DNAH3: variants seen among roughly 807,000 people sequenced by gnomAD.
DNAH3 encodes the protein axonemal beta dynein heavy chain 3.
A neutral mutation model predicts 432.5 loss-of-function variants in DNAH3; 332 were observed. The observed-to-expected ratio is 0.77, with a 90% CI of 0.70 to 0.84. The LOEUF is 0.84. Among genes scored for constraint, DNAH3 ranks in the 40% least tolerant of loss-of-function variants. The pLI, the probability that DNAH3 is intolerant of heterozygous loss-of-function variation, is 0.00. For missense variants in DNAH3, 4,861 were observed against 5,114.0 expected, an observed-to-expected ratio of 0.95 and a Z score of 1.51; for synonymous variants, 1,956 against 1,900.2, an observed-to-expected ratio of 1.03 and a Z score of -0.76.
chr16:21,007,509 T>G (rs2087367792), intron 41 of DNAH3, among the ~76,000 whole-genome samples: 1 of 152,192 alleles, frequency 6.6e-6, no homozygotes. Context: ...CCTGTATATC[T>G]TCTGTAAATA....
chr16:21,111,959 A>C (rs1203378001), intron 13 of DNAH3, 34 bp downstream of exon 13: 1 of 1,578,912 alleles, frequency 6.3e-7, no homozygotes, highest in South Asian at 1.1e-5. Flanking sequence ...AGCACATGTC[A>C]CCAAGGTATA....
exon 53 of DNAH3, chr16:20,965,208 C>T: frequency 6.2e-7 from 1 of 1,614,074 alleles, no homozygotes; most frequent in Non-Finnish European, 8.5e-7. Context: ...GATCGTACAC[C>T]TCCATGGCCC....
chr16:21,060,817 C>CCTG (rs1189209313), intron 25 of DNAH3, among the ~76,000 whole-genome samples: 4 of 146,972 alleles, frequency 2.7e-5, no homozygotes, highest in Non-Finnish European at 4.5e-5. Context: ...AACCACTGCG[C>CCTG]CTGGTCTCTT....
At chr16:20,955,716 C>T (rs570152160) in intron 54 of DNAH3, among the ~76,000 whole-genome samples, 1 of 152,134 alleles carries the variant, frequency 6.6e-6, no homozygotes, top group South Asian at 2.1e-4. Flanking sequence ...TGATGCCTGT[C>T]ATATAAGAAA....
intron 48 of DNAH3, among the ~76,000 whole-genome samples, chr16:20,984,014 A>C (rs2086047709): frequency 7.0e-6 from 1 of 142,612 alleles, no homozygotes; most frequent in Non-Finnish European, 1.5e-5. Context: ...GTGACAGAGC[A>C]AGACCCTATA....
intron 44 of DNAH3, among the ~76,000 whole-genome samples, chr16:20,993,972 GT>G (rs986473930): frequency 2.2e-4 from 34 of 151,896 alleles, no homozygotes; most frequent in South Asian, 1.2e-3. Context: ...TTCTCAAAAT[GT>G]TTTTTTCTTA....
intron 20 of DNAH3, among the ~76,000 whole-genome samples, chr16:21,079,825 C>T (rs2091116614): frequency 2.0e-5 from 3 of 152,192 alleles, no homozygotes; most frequent in South Asian, 4.2e-4. Flanking sequence ...TAGGCCTGCT[C>T]GTTAATGAGG....
rs576355152 is a variant in DNAH3, at chr16:21,054,855, C to T, written c.3925-321G>A. Among the ~76,000 whole-genome samples, 51 of 152,270 alleles carry T rather than the reference C, an allele frequency of 3.3e-4. 1 individual carries two copies. In the East Asian group the frequency reaches 8.1e-3, roughly 24 times the overall value. On this transcript the variant is annotated intron_variant, in intron 27 of 61. Coordinates refer to ENST00000261383, the Ensembl canonical transcript of DNAH3. ...TTGGAGTAGAGAATGCAACTGACTACAAAGGGCCTGAGGACATTTTTTTTG... is the reference window on the plus strand; with the variant it reads ...TTGGAGTAGAGAATGCAACTGACTATAAAGGGCCTGAGGACATTTTTTTTG...
At chr16:21,153,380 C>T (rs758938574) in intron 1 of DNAH3, among the ~76,000 whole-genome samples, 1 of 152,086 alleles carries the variant, frequency 6.6e-6, no homozygotes, top group African/African-American at 2.4e-5. Context: ...TGTGGACACT[C>T]TGTGTCTAGC....
chr16:21,154,870 T>C (rs1197837705), intron 1 of DNAH3, among the ~76,000 whole-genome samples: 1 of 152,180 alleles, frequency 6.6e-6, no homozygotes, highest in Non-Finnish European at 1.5e-5. Flanking sequence ...CAGAATTGTT[T>C]GTTGTCTGAC....
chr16:21,051,977 C>G lies in DNAH3; in HGVS notation c.4040-109G>C, dbSNP rs1024010508. Reference sequence around the variant, plus strand: ...TTATCAAGGTCCCCCATTCTCCAAACTATTTTATTTTATTTTATTTTATTT... The same window carrying G: ...TTATCAAGGTCCCCCATTCTCCAAAGTATTTTATTTTATTTTATTTTATTT... On this transcript the variant is annotated intron_variant, in intron 28 of 61. Transcript: ENST00000261383. 8 of 816,308 alleles carry G rather than the reference C, an allele frequency of 9.8e-6. No homozygotes were observed. The Admixed American group carries it at 1.8e-4, about 18-fold the overall frequency. 50.6% of individuals were successfully genotyped at this position (816,308 alleles called of 1,614,324 possible).
At chr16:21,153,239 A>G (rs888147532) in intron 1 of DNAH3, among the ~76,000 whole-genome samples, 5 of 152,102 alleles carry the variant, frequency 3.3e-5, no homozygotes, top group Non-Finnish European at 5.9e-5. Context: ...AAATACACCA[A>G]TCAGCACTCT....
intron 2 of DNAH3, among the ~76,000 whole-genome samples, chr16:21,145,667 C>T (rs143677303): frequency 1.3e-3 from 193 of 152,302 alleles, no homozygotes; most frequent in Admixed American, 2.9e-3. Flanking sequence ...GGTCTTTATT[C>T]CTTATGGACA....
intron 9 of DNAH3, 114 bp downstream of exon 10, chr16:21,125,061 C>A: frequency 1.3e-6 from 1 of 787,994 alleles, no homozygotes; most frequent in Non-Finnish European, 2.0e-6. Context: ...GGAAGTCAAG[C>A]ATTTCACTTT....
intron 31 of DNAH3, 35 bp from the exon 32 acceptor site, chr16:21,042,238 G>C: frequency 6.5e-7 from 1 of 1,547,716 alleles, no homozygotes; most frequent in Middle Eastern, 1.8e-4. Flanking sequence ...AAGAGCATCT[G>C]CTTCTGTCTG....
chr16:21,042,496 A>T (rs538851412), intron 31 of DNAH3, among the ~76,000 whole-genome samples: 1 of 152,242 alleles, frequency 6.6e-6, no homozygotes, highest in Non-Finnish European at 1.5e-5. Context: ...TATTGGTTCA[A>T]AGATCAGGGA....
intron 41 of DNAH3, among the ~76,000 whole-genome samples, chr16:21,012,479 A>G (rs763412643): frequency 6.6e-6 from 1 of 152,240 alleles, no homozygotes; most frequent in Non-Finnish European, 1.5e-5. Context: ...AAATGTAAAC[A>G]GAATGCCAAA....
chr16:21,090,607 G>T lies in DNAH3; in HGVS notation c.2666-3547C>A, dbSNP rs2091503300. On this transcript the variant is annotated intron_variant, in intron 18 of 61. Transcript: ENST00000261383. ...ATTTGCAACAACATGGATGGAACTGGAGGACATTATGCTAAGTGAAATAAG... is the reference window on the plus strand; with the variant it reads ...ATTTGCAACAACATGGATGGAACTGTAGGACATTATGCTAAGTGAAATAAG... 2.0e-5 allele frequency among the ~76,000 whole-genome samples: 3 copies of T among 152,140 alleles called. No individual in the cohort carries two copies. In the South Asian group the frequency reaches 6.2e-4, roughly 32 times the overall value.
intron 1 of DNAH3, among the ~76,000 whole-genome samples, chr16:21,151,221 C>T (rs2092849461): frequency 6.6e-6 from 1 of 152,058 alleles, no homozygotes; most frequent in African/African-American, 2.4e-5. Flanking sequence ...TAATGTGAGT[C>T]CCTACTTCAT....
Sources: gnomAD v4.1 joint callset for allele counts (sites outside exome capture counted in the v4.1 genomes callset) on GRCh38, gnomAD v4.1.1 for gene constraint, MANE v1.5 for transcripts, NCBI Gene and HGNC (gene_info 2026-07-23, HGNC 2026-07-21) for gene names.